SLIT2: variants seen among roughly 807,000 people sequenced by gnomAD.
SLIT2 encodes the protein slit guidance ligand 2.
Under a neutral mutation model 185.7 loss-of-function variants are expected in SLIT2, and 41 were observed. The observed-to-expected ratio is 0.22, with a 90% CI of 0.17 to 0.29. The LOEUF (loss-of-function observed/expected upper bound fraction) is 0.29. SLIT2 is among the 10% of genes least tolerant of loss of function. The pLI is 1.00. For synonymous variants in SLIT2, 693 were observed against 680.2 expected (o/e 1.02, Z -0.29); for missense variants, 1,571 against 1,909.0 (o/e 0.82, Z 3.30).
At chr4:20,434,619 A>G (rs1175605965) in intron 4 of SLIT2, among the ~76,000 whole-genome samples, 1 of 152,212 alleles carries the variant, frequency 6.6e-6, no homozygotes, top group Non-Finnish European at 1.5e-5. Flanking sequence ...GTTGAGGGGT[A>G]TGGGGACAGT....
chr4:20,610,401 A>G (rs1210025181), intron 34 of SLIT2, among the ~76,000 whole-genome samples: 2 of 152,226 alleles, frequency 1.3e-5, no homozygotes, highest in African/African-American at 4.8e-5. Flanking sequence ...AGAGAAAGAC[A>G]TTAATTAATA....
intron 3 of SLIT2, among the ~76,000 whole-genome samples, chr4:20,264,401 A>G (rs927210124): frequency 3.3e-5 from 5 of 151,762 alleles, no homozygotes; most frequent in Non-Finnish European, 5.9e-5. Flanking sequence ...CGCTGCTAAA[A>G]ACACCTTATA....
At chr4:20,391,567 G>A (rs983279642) in intron 4 of SLIT2, among the ~76,000 whole-genome samples, 3 of 152,142 alleles carry the variant, frequency 2.0e-5, no homozygotes, top group Non-Finnish European at 2.9e-5. Flanking sequence ...TTTGCTGAAA[G>A]CATATTGTTG....
intron 4 of SLIT2, among the ~76,000 whole-genome samples, chr4:20,276,739 A>G (rs1714205088): frequency 6.6e-6 from 1 of 152,204 alleles, no homozygotes; most frequent in Non-Finnish European, 1.5e-5. Flanking sequence ...AACAGCACAG[A>G]GAAAGGTTGA....
intron 9 of SLIT2, among the ~76,000 whole-genome samples, chr4:20,497,810 G>C (rs1157692494): frequency 6.6e-6 from 1 of 152,122 alleles, no homozygotes; most frequent in Non-Finnish European, 1.5e-5. Flanking sequence ...GTTGGGAGCA[G>C]GGGAAGGAGA....
At chr4:20,398,353 A>G (rs1366894621) in intron 4 of SLIT2, among the ~76,000 whole-genome samples, 1 of 151,832 alleles carries the variant, frequency 6.6e-6, no homozygotes, top group Non-Finnish European at 1.5e-5. Flanking sequence ...TGGTCTTAGC[A>G]GAGCATTAAC....
chr4:20,465,827 C>T (rs1218931956), intron 4 of SLIT2, among the ~76,000 whole-genome samples: 1 of 152,096 alleles, frequency 6.6e-6, no homozygotes, highest in African/African-American at 2.4e-5. Flanking sequence ...TGCCTAGGGA[C>T]TGAGCAGAAC....
intron 4 of SLIT2, among the ~76,000 whole-genome samples, chr4:20,269,797 G>A (rs1713410621): frequency 6.6e-6 from 1 of 151,902 alleles, no homozygotes; most frequent in South Asian, 2.1e-4. Context: ...TGTCTTTGTA[G>A]CCTACTAGTT....
intron 4 of SLIT2, among the ~76,000 whole-genome samples, chr4:20,449,751 A>G (rs1195689142): frequency 6.6e-6 from 1 of 152,180 alleles, no homozygotes; most frequent in Non-Finnish European, 1.5e-5. Flanking sequence ...AAAATAGAAC[A>G]TCAACAGTAT....
chr4:20,550,438 T>A (rs1300965151), intron 24 of SLIT2, among the ~76,000 whole-genome samples: 1 of 151,988 alleles, frequency 6.6e-6, no homozygotes, highest in African/African-American at 2.4e-5. Flanking sequence ...TTATTCTATT[T>A]CTTATATGGA....
rs557966466 is a variant in SLIT2, at chr4:20,316,350, G to A, written c.395+47469G>A. Reference sequence around the variant, plus strand: ...CCCTCCATTCTTAACTTTTAAATACGTCCTCAGTAAAGGAGACAAGACCAG... The same window carrying A: ...CCCTCCATTCTTAACTTTTAAATACATCCTCAGTAAAGGAGACAAGACCAG... On this transcript the variant is annotated intron_variant, in intron 4 of 36. Transcript: ENST00000504154. Among the ~76,000 whole-genome samples, 4 of 151,766 alleles carry A rather than the reference G, an allele frequency of 2.6e-5. No individual in the cohort carries two copies. In the East Asian group the frequency reaches 5.8e-4, roughly 22 times the overall value.
At chr4:20,406,431 C>A (rs1239831608) in intron 4 of SLIT2, among the ~76,000 whole-genome samples, 2 of 143,188 alleles carry the variant, frequency 1.4e-5, no homozygotes, top group Non-Finnish European at 3.1e-5. Flanking sequence ...ATCTTTAAAA[C>A]CTCTTACAAA....
chr4:20,451,405 C>A (rs546143026), intron 4 of SLIT2, among the ~76,000 whole-genome samples: 1 of 152,152 alleles, frequency 6.6e-6, no homozygotes, highest in African/African-American at 2.4e-5. Context: ...TTTGTTCCAG[C>A]TAATGCAGCT....
At chr4:20,392,919 T>A (rs77374418) in intron 4 of SLIT2, among the ~76,000 whole-genome samples, 13,647 of 152,100 alleles carry the variant, frequency 0.09, 692 homozygotes, top group South Asian at 0.17. Context: ...TAACTTTTTT[T>A]ATTAGTAGGA....
At chr4:20,586,109 C>T (rs1560216842) in intron 29 of SLIT2, among the ~76,000 whole-genome samples, 4 of 152,168 alleles carry the variant, frequency 2.6e-5, no homozygotes, top group Admixed American at 1.3e-4. Flanking sequence ...TATTGAGCTC[C>T]TGAATCTCGC....
At chr4:20,331,813 A>G (rs944024834) in intron 4 of SLIT2, among the ~76,000 whole-genome samples, 5 of 152,014 alleles carry the variant, frequency 3.3e-5, no homozygotes, top group African/African-American at 9.7e-5. Flanking sequence ...CCTCCTGGCA[A>G]CCATTTTCTG....
chr4:20,481,017 C>T (rs1326601113), intron 6 of SLIT2, among the ~76,000 whole-genome samples: 1 of 151,814 alleles, frequency 6.6e-6, no homozygotes, highest in Non-Finnish European at 1.5e-5. Flanking sequence ...CAAATGTTCT[C>T]CTTATAAATG....
At chr4:20,489,742 C>T (rs773578663) in intron 8 of SLIT2, among the ~76,000 whole-genome samples, 1 of 151,686 alleles carries the variant, frequency 6.6e-6, no homozygotes, top group African/African-American at 2.4e-5. Context: ...TGAGATCACA[C>T]CAGTGCACTC....
intron 9 of SLIT2, among the ~76,000 whole-genome samples, chr4:20,502,212 A>G (rs1718805468): frequency 6.6e-6 from 1 of 152,222 alleles, no homozygotes; most frequent in Admixed American, 6.5e-5. Context: ...ATAACATTAT[A>G]AATAAATTGG....
Sources: gnomAD v4.1 joint callset for allele counts (sites outside exome capture counted in the v4.1 genomes callset) on GRCh38, gnomAD v4.1.1 for gene constraint, MANE v1.5 for transcripts, NCBI Gene and HGNC (gene_info 2026-07-23, HGNC 2026-07-21) for gene names.